The following LRRC9 variants were observed in gnomAD, a reference collection of about 807,000 sequenced individuals.
LRRC9 encodes leucine rich repeat containing 9, also known as leucine-rich repeat-containing protein 9.
A neutral mutation model predicts 63.2 loss-of-function variants in LRRC9; 122 were observed. The observed-to-expected ratio is 1.93, with a 90% CI of 1.67 to 2.24. The LOEUF (loss-of-function observed/expected upper bound fraction) is 2.24, where lower values mean the gene tolerates loss of function less well. LRRC9 is among the 30% of genes most tolerant of loss of function. The probability of loss-of-function intolerance (pLI) is 0.00; values close to 1 mark genes in which losing one functional copy is unlikely to be tolerated. For missense variants in LRRC9, 1,071 were observed against 627.7 expected (o/e 1.71, Z -7.55); for synonymous variants, 366 against 213.1 (o/e 1.72, Z -6.25).
chr14:60,020,726 G>A (rs980720417), intron 26 of LRRC9, among the ~76,000 whole-genome samples: 2 of 151,754 alleles, frequency 1.3e-5, no homozygotes, highest in Non-Finnish European at 2.9e-5. Context: ...TAAAATAGAC[G>A]GTCTTTTGCC....
At position 60,015,193 on chromosome 14, in the gene LRRC9, A is replaced by T. The variant is rs191084056; in HGVS notation, c.3187-1467A>T. Among the ~76,000 whole-genome samples the T allele has an allele frequency of 5.2e-3, 781 of 151,266 alleles. 14 individuals are homozygous for T. Among genetic ancestry groups the T allele is most frequent in the African/African-American group, 0.018 (738 of 41,192 alleles). Reference sequence around the variant, plus strand: ...TTTGCTAAGGGTTTCTGTTTTTTTCATTTGTTTCAAGTATGTCCATAATTG... The same window carrying T: ...TTTGCTAAGGGTTTCTGTTTTTTTCTTTTGTTTCAAGTATGTCCATAATTG... On this transcript the variant is annotated intron_variant, in intron 23 of 31. Transcript: ENST00000445360.
At chr14:59,920,058 A>AT (rs2139719031) in intron 1 of LRRC9, 86 bp from the exon 1 acceptor site, 1 of 147,162 alleles carries the variant, frequency 6.8e-6, no homozygotes, top group Admixed American at 6.7e-5. Flanking sequence ...CCACCCTTTT[A>AT]TCCCCCTCCC....
At chr14:59,969,534 T>C (rs1182808589) in intron 12 of LRRC9, 1 of 152,226 alleles carries the variant, frequency 6.6e-6, no homozygotes, top group Non-Finnish European at 1.5e-5. Context: ...GGGCTCTGAT[T>C]TAAAAGACAG....
intron 29 of LRRC9, among the ~76,000 whole-genome samples, chr14:60,046,389 GTTT>G (rs1893426009): frequency 1.3e-5 from 2 of 152,258 alleles, no homozygotes; most frequent in East Asian, 3.9e-4. Flanking sequence ...ATCTTCCAGG[GTTT>G]TTATAGTTTT....
chr14:59,995,120 A>G (rs1238876384), intron 17 of LRRC9, among the ~76,000 whole-genome samples: 1 of 152,156 alleles, frequency 6.6e-6, no homozygotes, highest in Non-Finnish European at 1.5e-5. Flanking sequence ...AAGGACTGGG[A>G]TTCATAAGTC....
chr14:60,017,705 T>TA lies in LRRC9; in HGVS notation c.3318-664dup, dbSNP rs1890804843. 6.6e-6 allele frequency among the ~76,000 whole-genome samples: 1 copy of TA among 152,128 alleles called. No individual in the cohort carries two copies. Among genetic ancestry groups the TA allele is most frequent in the South Asian group, 2.1e-4 (1 of 4,828 alleles). On this transcript the variant is annotated intron_variant, in intron 24 of 31. Transcript: ENST00000445360. The surrounding 1 kb of genome is among the most constrained non-coding windows in gnomAD (Gnocchi z 4.0). Reference sequence around the variant, plus strand: ...CTTATTAGTGGGTAAAAGTATGTCATAATTGTAACTTCAAGTTTAGGATTT... The same window carrying TA: ...CTTATTAGTGGGTAAAAGTATGTCATAAATTGTAACTTCAAGTTTAGGATTT...
rs139559272 is a variant in LRRC9, at chr14:59,979,994, C to A, written c.1879-1854C>A. 1.2e-3 allele frequency among the ~76,000 whole-genome samples: 177 copies of A among 151,948 alleles called. 1 individual carries two copies. Among genetic ancestry groups the A allele is most frequent in the Admixed American group, 2.2e-3 (34 of 15,274 alleles). ...ATAATAAAATTAAAAAAAAGAAAAA[C>A]TCATCATTTTAATTTGTAATTCACA... On this transcript the variant is annotated intron_variant, in intron 15 of 31. Transcript: ENST00000445360.
intron 1 of LRRC9, among the ~76,000 whole-genome samples, chr14:59,924,991 T>A (rs1860595184): frequency 6.6e-6 from 1 of 151,970 alleles, no homozygotes; most frequent in Non-Finnish European, 1.5e-5. Context: ...CTTATGTCCT[T>A]CATTTCTTTG....
chr14:59,942,600 T>C lies in LRRC9; in HGVS notation c.727-1989T>C, dbSNP rs1594833064. On this transcript the variant is annotated intron_variant, in intron 7 of 31. Transcript: ENST00000445360. This position sits in a 1 kb window ranked among gnomAD's most constrained non-coding sequence, Gnocchi z 5.3. ...AAAATTAGCCAGGCGTGGTGGCAGG[T>C]GCCTGTAATACCAGCTACTCAGGAG... Among the ~76,000 whole-genome samples the C allele has an allele frequency of 6.6e-6, 1 of 152,082 alleles. No homozygotes were observed. The highest frequency in any genetic ancestry group is 1.5e-5 in the Non-Finnish European group (1 of 68,004).
chr14:60,053,381 G>GCACACA lies in LRRC9; in HGVS notation c.4131+177_4131+178insACACAC, dbSNP rs1167051629. 2.7e-5 allele frequency among the ~76,000 whole-genome samples: 2 copies of GCACACA among 73,206 alleles called. No individual in the cohort carries two copies. Among genetic ancestry groups the GCACACA allele is most frequent in the Non-Finnish European group, 5.4e-5 (2 of 36,708 alleles). The allele number at this position is 73,206 out of a possible 152,430, so 48.0% of individuals were successfully genotyped here. On this transcript the variant is annotated intron_variant, in intron 30 of 31. Transcript: ENST00000445360. This position sits in a 1 kb window ranked among gnomAD's most constrained non-coding sequence, Gnocchi z 4.8. ...TGGATTTGGTGAATAGAGCATGCGT[G>GCACACA]CTCACACACACACACACACACACAC...
chr14:59,996,108 G>T (rs918336089), intron 17 of LRRC9, among the ~76,000 whole-genome samples: 1 of 152,128 alleles, frequency 6.6e-6, no homozygotes, highest in African/African-American at 2.4e-5. Flanking sequence ...CCACAATGTG[G>T]GACAAGTTTT....
chr14:60,054,421 C>T (rs1894123779), intron 30 of LRRC9, among the ~76,000 whole-genome samples: 1 of 152,072 alleles, frequency 6.6e-6, no homozygotes, highest in Non-Finnish European at 1.5e-5. Context: ...AACGCCCTCC[C>T]CCATAGGTTC....
At position 60,005,441 on chromosome 14, in the gene LRRC9, T is replaced by G. The variant is rs1889736919; in HGVS notation, c.2843-956T>G. ...CAGAAGAATCTTCCAATCTATATTT[T>G]TCTTACACCTATATTTTGGAGAAGA... On this transcript the variant is annotated intron_variant, in intron 21 of 31. Coordinates refer to ENST00000445360, the Ensembl canonical transcript of LRRC9. 2.0e-5 allele frequency among the ~76,000 whole-genome samples: 3 copies of G among 152,100 alleles called. No homozygotes were observed. The South Asian group carries it at 6.2e-4, about 31-fold the overall frequency.
At chr14:59,981,947 G>A in exon 16 of LRRC9, 1 of 702,636 alleles carries the variant, frequency 1.4e-6, no homozygotes, top group Non-Finnish European at 2.6e-6. Flanking sequence ...TTTGAAATTT[G>A]ATGATGAAGT....
intron 6 of LRRC9, among the ~76,000 whole-genome samples, chr14:59,933,251 T>A (rs1889859338): frequency 6.6e-6 from 1 of 151,722 alleles, no homozygotes; most frequent in South Asian, 2.1e-4. Flanking sequence ...GTGCCACTGT[T>A]TCATTTTTCC....
chr14:60,022,286 G>T (rs1891175830), intron 26 of LRRC9, among the ~76,000 whole-genome samples: 1 of 151,634 alleles, frequency 6.6e-6, no homozygotes, highest in East Asian at 1.9e-4. Context: ...TTCATTTTCA[G>T]ATTATTTATT....
At chr14:60,038,897 G>A (rs1185086001) in intron 29 of LRRC9, among the ~76,000 whole-genome samples, 1 of 152,200 alleles carries the variant, frequency 6.6e-6, no homozygotes, top group Non-Finnish European at 1.5e-5. Flanking sequence ...GATATTGGCT[G>A]TGGGTCTGTC....
In LRRC9 at chr14:60,040,691, A is replaced by G. The variant is rs148749167; in HGVS notation, c.3990+8628A>G. Among the ~76,000 whole-genome samples the G allele has an allele frequency of 3.4e-3, 516 of 151,980 alleles. 17 individuals are homozygous for G. The East Asian group carries it at 0.058, about 17-fold the overall frequency. On this transcript the variant is annotated intron_variant, in intron 29 of 31. Transcript: ENST00000445360. ...ATGGGTCTCCTGAATACAGCACACC[A>G]ATGGGTCTTAACTCTTTATCCAATT...
chr14:59,922,268 C>T lies in LRRC9; in HGVS notation c.-34+2385C>T, dbSNP rs904979444. On this transcript the variant is annotated intron_variant, in intron 1 of 31. Transcript: ENST00000445360. This position sits in a 1 kb window ranked among gnomAD's most constrained non-coding sequence, Gnocchi z 5.3. ...GTCAAGTTGAGAATCAAAACATGTCCGCTGTCTTTGGCCATTAGAAGGTTA... is the reference window on the plus strand; with the variant it reads ...GTCAAGTTGAGAATCAAAACATGTCTGCTGTCTTTGGCCATTAGAAGGTTA... Among the ~76,000 whole-genome samples the T allele has an allele frequency of 3.9e-5, 6 of 152,044 alleles. No homozygotes were observed. Among genetic ancestry groups the T allele is most frequent in the South Asian group, 2.1e-4 (1 of 4,814 alleles).
Sources: gnomAD v4.1 joint callset for allele counts (sites outside exome capture counted in the v4.1 genomes callset) on GRCh38, gnomAD v4.1.1 for gene constraint, Gnocchi (gnomAD v3.1) non-coding constraint, MANE v1.5 for transcripts, NCBI Gene and HGNC (gene_info 2026-07-23, HGNC 2026-07-21) for gene names.